The following PIGU variants were observed in gnomAD, a reference collection of about 807,000 sequenced individuals.
PIGU encodes phosphatidylinositol glycan anchor biosynthesis class U.
Under a neutral mutation model 49.9 loss-of-function variants are expected in PIGU, and 24 were observed. That is an observed-to-expected ratio of 0.48 (90% CI 0.35 to 0.68). The LOEUF is 0.68. Among genes scored for constraint, PIGU ranks in the 30% least tolerant of loss-of-function variants. PIGU has a pLI of 0.01. For synonymous variants in PIGU, 220 were observed against 205.7 expected (o/e 1.07, Z -0.59); for missense variants, 490 against 532.6 (o/e 0.92, Z 0.79).
chr20:34,579,529 A>G (rs1345381553), intron 10 of PIGU: 1 of 152,246 alleles, frequency 6.6e-6, no homozygotes, highest in Admixed American at 6.5e-5. Context: ...CATCCCACTC[A>G]TAGGTCCTAA....
At chr20:34,582,696 A>AG (rs1262485237) in intron 9 of PIGU, among the ~76,000 whole-genome samples, 3 of 152,048 alleles carry the variant, frequency 2.0e-5, no homozygotes, top group Admixed American at 6.6e-5. Context: ...AAAAAAAAAA[A>AG]GTAGGCAATC....
chr20:34,672,699 TA>T (rs1568670128), intron 1 of PIGU, among the ~76,000 whole-genome samples: 1 of 150,544 alleles, frequency 6.6e-6, no homozygotes. Flanking sequence ...CAAAAAACAA[TA>T]AAAAACAATT....
chr20:34,634,769 C>A, intron 5 of PIGU, 54 bp from the exon 6 acceptor site: 1 of 1,586,924 alleles, frequency 6.3e-7, no homozygotes, highest in Non-Finnish European at 8.6e-7. Flanking sequence ...GGAGCCCTCG[C>A]CATTACAGCA....
chr20:34,652,974 G>A (rs1600662580), intron 2 of PIGU, among the ~76,000 whole-genome samples: 1 of 136,304 alleles, frequency 7.3e-6, no homozygotes, highest in Non-Finnish European at 1.6e-5. Context: ...GTCAAGTTGG[G>A]TTTTTTTTTT....
intron 10 of PIGU, among the ~76,000 whole-genome samples, chr20:34,580,184 A>G (rs889073263): frequency 6.6e-6 from 1 of 152,162 alleles, no homozygotes; most frequent in Non-Finnish European, 1.5e-5. Context: ...CTTGAAATCC[A>G]CTATCACAAA....
chr20:34,645,411 G>C, intron 2 of PIGU, 77 bp from the exon 3 acceptor site: 1 of 1,445,962 alleles, frequency 6.9e-7, no homozygotes, highest in Non-Finnish European at 9.1e-7. Context: ...AGAGAGTGGG[G>C]AGAAAACTAT....
chr20:34,603,214 G>C (rs932750554), intron 7 of PIGU, among the ~76,000 whole-genome samples: 2 of 152,074 alleles, frequency 1.3e-5, no homozygotes, highest in Non-Finnish European at 2.9e-5. Flanking sequence ...AAACTTTGGT[G>C]GTGGGTAATG....
chr20:34,622,028 T>C (rs900672925), intron 6 of PIGU, among the ~76,000 whole-genome samples: 2 of 152,002 alleles, frequency 1.3e-5, no homozygotes, highest in African/African-American at 2.4e-5. Flanking sequence ...GTGTGTACTG[T>C]AATTAGCTCA....
At chr20:34,577,891 A>C (rs1478552284) in intron 10 of PIGU, among the ~76,000 whole-genome samples, 1 of 152,186 alleles carries the variant, frequency 6.6e-6, no homozygotes, top group East Asian at 1.9e-4. Flanking sequence ...GCAGCCCCTT[A>C]CAGTCTGCAA....
intron 6 of PIGU, among the ~76,000 whole-genome samples, chr20:34,628,410 A>G (rs923846261): frequency 6.6e-6 from 1 of 152,188 alleles, no homozygotes; most frequent in African/African-American, 2.4e-5. Context: ...GAAAATAACT[A>G]AATATGAGTG....
intron 1 of PIGU, among the ~76,000 whole-genome samples, chr20:34,658,752 C>T (rs1028708668): frequency 1.3e-5 from 2 of 151,626 alleles, no homozygotes; most frequent in Non-Finnish European, 2.9e-5. Context: ...AGCCCCTCCG[C>T]CCGGCAGCCG....
In PIGU at chr20:34,560,940, G is replaced by A. The variant is rs751898046; in HGVS notation, c.1234C>T (p.Arg412Trp). ...AGGCCATGTGTGAGGTAGTACTCCC[G>A]CCGCAGGAAGGCATAGAAGTAATCA... ...ISDYFYAFLRREYYLTHGLYL... is the reference protein window; with the variant it reads ...ISDYFYAFLRWEYYLTHGLYL... Residue 412 changes from arginine (R) to tryptophan (W), a missense_variant, in exon 12 of 12, where the codon CGG (arginine) becomes TGG (tryptophan). By Grantham distance (101) the Arg-to-Trp change is moderately radical (BLOSUM62 -3). Coordinates refer to ENST00000217446, the MANE Select transcript of PIGU (RefSeq NM_080476.5). The A allele has an allele frequency of 8.7e-6, 14 of 1,612,834 alleles. No homozygotes were observed. The African/African-American group carries it at 9.3e-5, about 11-fold the overall frequency.
At chr20:34,642,298 C>G (rs1385073143) in intron 4 of PIGU, among the ~76,000 whole-genome samples, 1 of 152,100 alleles carries the variant, frequency 6.6e-6, no homozygotes, top group East Asian at 1.9e-4. Flanking sequence ...CAGCCTTGAC[C>G]TCCCATGCTC....
intron 7 of PIGU, among the ~76,000 whole-genome samples, chr20:34,608,843 T>A (rs1423425042): frequency 2.0e-5 from 3 of 152,148 alleles, no homozygotes; most frequent in Non-Finnish European, 4.4e-5. Flanking sequence ...ACTTAGGACA[T>A]CTCATTCTGT....
At chr20:34,582,399 G>T (rs1255105370) in intron 9 of PIGU, among the ~76,000 whole-genome samples, 1 of 152,164 alleles carries the variant, frequency 6.6e-6, no homozygotes, top group Non-Finnish European at 1.5e-5. Context: ...GCAATCCTGG[G>T]CCAGGCGCAG....
At chr20:34,594,355 G>C (rs78522696) in intron 7 of PIGU, among the ~76,000 whole-genome samples, 8,775 of 152,108 alleles carry the variant, frequency 0.058, 331 homozygotes, top group East Asian at 0.18. Context: ...ACTGGAGAGC[G>C]GCTGAATAAA....
At chr20:34,634,581 G>C in intron 6 of PIGU, 34 bp downstream of exon 6, 1 of 1,599,770 alleles carries the variant, frequency 6.3e-7, no homozygotes, top group Non-Finnish European at 8.5e-7. Context: ...ATAAATCAGG[G>C]ACTGACCTTT....
intron 2 of PIGU, among the ~76,000 whole-genome samples, chr20:34,648,931 G>C (rs979050919): frequency 3.9e-5 from 6 of 152,078 alleles, no homozygotes; most frequent in Non-Finnish European, 5.9e-5. Flanking sequence ...GCAGTGGCGC[G>C]ATCTCAGCTC....
At chr20:34,667,768 T>TGC (rs1987148607) in intron 1 of PIGU, among the ~76,000 whole-genome samples, 1 of 152,122 alleles carries the variant, frequency 6.6e-6, no homozygotes, top group Non-Finnish European at 1.5e-5. Flanking sequence ...AACCTATGAA[T>TGC]GCAAAAATTA....
Sources: gnomAD v4.1 joint callset for allele counts (sites outside exome capture counted in the v4.1 genomes callset) on GRCh38, gnomAD v4.1.1 for gene constraint, MANE v1.5 for transcripts, NCBI Gene and HGNC (gene_info 2026-07-23, HGNC 2026-07-21) for gene names.